The following GOLGA4 variants were observed in gnomAD, a reference collection of about 807,000 sequenced individuals.
GOLGA4 encodes the protein golgin A4, also known as golgin subfamily A member 4.
In GOLGA4, 169 loss-of-function variants were observed where a neutral mutation model predicts 265.9. The observed-to-expected ratio is 0.64, with a 90% CI of 0.56 to 0.72. The LOEUF is 0.72. Among genes scored for constraint, GOLGA4 ranks in the 30% least tolerant of loss-of-function variants. The pLI is 0.00. For synonymous variants in GOLGA4, 923 were observed against 855.8 expected, an observed-to-expected ratio of 1.08 and a Z score of -1.37; for missense variants, 2,482 against 2,483.4, an observed-to-expected ratio of 1.00 and a Z score of 0.01.
At position 37,327,730 on chromosome 3, in the gene GOLGA4, A is replaced by G; in HGVS notation, c.5844A>G (p.Arg1948=). 3 of 1,613,738 alleles carry G rather than the reference A, an allele frequency of 1.9e-6. No individual in the cohort carries two copies. Among genetic ancestry groups the G allele is most frequent in the Non-Finnish European group, 2.5e-6 (3 of 1,179,648 alleles). The change falls in exon 14 of 24, where the codon AGA becomes AGG. Residue 1948 remains arginine (R), a synonymous_variant. Transcript: ENST00000361924. ...EKQKLGKEIV[R]LQKDLRMLRK... ...AGAAACTGGGCAAGGAGATTGTTAG[A>G]TTGCAGAAAGACCTTCGAATGTTGA...
chr3:37,323,820 T>A lies in GOLGA4; in HGVS notation c.1934T>A (p.Leu645His). 1 of 1,609,614 alleles carries A rather than the reference T, an allele frequency of 6.2e-7. No individual in the cohort carries two copies. The highest frequency in any genetic ancestry group is 8.5e-7 in the Non-Finnish European group (1 of 1,179,088). ...KQQYQTEMEKLREKCEQEKET... is the reference protein window; with the variant it reads ...KQQYQTEMEKHREKCEQEKET... ...CAATATCAGACTGAAATGGAAAAAC[T>A]TAGGGAAAAGTGTGAACAAGAAAAA... Residue 645 changes from leucine (L) to histidine (H), a missense_variant, in exon 14 of 24, where the codon CTT becomes CAT. Leu to His is a moderately conservative substitution (Grantham distance 99). Coordinates refer to ENST00000361924, the MANE Select transcript of GOLGA4 (RefSeq NM_002078.5).
chr3:37,316,933 T>TA (rs1381485549), intron 11 of GOLGA4, among the ~76,000 whole-genome samples: 1 of 152,168 alleles, frequency 6.6e-6, no homozygotes, highest in South Asian at 2.1e-4. Context: ...TTTCTTTTTT[T>TA]AAACACAAAA....
At chr3:37,323,287 C>T (rs181199094) in intron 13 of GOLGA4, among the ~76,000 whole-genome samples, 50 of 151,952 alleles carry the variant, frequency 3.3e-4, no homozygotes, top group African/African-American at 1.2e-3. Context: ...CTACCATGCC[C>T]GGCTAATTTT....
At chr3:37,322,205 A>G (rs1019377565) in intron 13 of GOLGA4, among the ~76,000 whole-genome samples, 7 of 152,224 alleles carry the variant, frequency 4.6e-5, no homozygotes, top group Middle Eastern at 3.4e-3. Context: ...TTTGTAGGCA[A>G]TACTTGCCCT....
At position 37,324,816 on chromosome 3, in the gene GOLGA4, AG is replaced by A. The variant is rs1459454380; in HGVS notation, c.2932del (p.Glu978LysfsTer13). 1.9e-6 allele frequency: 3 copies of A among 1,585,852 alleles called. No individual in the cohort carries two copies. On this transcript the variant is annotated frameshift_variant, in exon 14 of 24. Coordinates refer to ENST00000361924, the MANE Select transcript of GOLGA4 (RefSeq NM_002078.5). LOFTEE classifies it high-confidence loss of function. ...ACGTTAAAGAAAAAATTACTGGATC[AG>A]GAAGCCAAACTTAAGAAAGAGCTTG... ...QETLKKKLLD[Q>X]EAKLKKELEN... is the part of the protein sequence containing the mutation.
chr3:37,276,230 A>G (rs2096818116), intron 2 of GOLGA4: 2 of 1,558,544 alleles, frequency 1.3e-6, no homozygotes, highest in African/African-American at 1.4e-5. Context: ...ATATCAAGAA[A>G]TAAGGAATAC....
At chr3:37,245,656 G>A (rs751578707) in intron 1 of GOLGA4, among the ~76,000 whole-genome samples, 1 of 152,154 alleles carries the variant, frequency 6.6e-6, no homozygotes, top group Non-Finnish European at 1.5e-5. Flanking sequence ...TAAGAGCTCT[G>A]TTTCTATAGC....
chr3:37,339,505 A>G (rs534917987), intron 19 of GOLGA4, among the ~76,000 whole-genome samples: 230 of 152,308 alleles, frequency 1.5e-3, no homozygotes, highest in Non-Finnish European at 2.6e-3. Context: ...ACTATTTTAC[A>G]TTACCATCAA....
chr3:37,302,317 A>G lies in GOLGA4; in HGVS notation c.1219A>G (p.Lys407Glu). ...QGEELREQKEKSERAAFEELE... is the reference protein window; with the variant it reads ...QGEELREQKEESERAAFEELE... ...AGAGGAATTACGGGAACAGAAAGAA[A>G]AGTCCGAAAGAGCTGGTAAGAACTT... Residue 407 changes from lysine to glutamate, a missense_variant, in exon 10 of 24, where the codon AAG (lysine) becomes GAG (glutamate). Physicochemically the swap from Lys to Glu is moderately conservative, Grantham distance 56. Around this residue, in one of 3 missense-constraint regions of GOLGA4, gnomAD observed 1,536 missense variants for 1,483.7 expected, o/e 1.04. Coordinates refer to ENST00000361924, the MANE Select transcript of GOLGA4 (RefSeq NM_002078.5). 3 of 1,613,544 alleles carry G rather than the reference A, an allele frequency of 1.9e-6. No homozygotes were observed. Among genetic ancestry groups the G allele is most frequent in the Non-Finnish European group, 2.5e-6 (3 of 1,179,680 alleles).
intron 2 of GOLGA4, among the ~76,000 whole-genome samples, chr3:37,260,511 C>G (rs747212763): frequency 1.3e-5 from 2 of 152,134 alleles, no homozygotes; most frequent in Non-Finnish European, 2.9e-5. Context: ...TGGCGGGCAC[C>G]TGTAATCCCA....
At chr3:37,311,681 A>G (rs141862383) in intron 10 of GOLGA4, among the ~76,000 whole-genome samples, 34 of 152,314 alleles carry the variant, frequency 2.2e-4, no homozygotes, top group African/African-American at 7.0e-4. Context: ...CTGACATGGT[A>G]CTGGAAAGTG....
rs1008307601 is a variant in GOLGA4, at chr3:37,323,867, G to C, written c.1981G>C (p.Glu661Gln). 2.5e-6 allele frequency: 4 copies of C among 1,612,278 alleles called. No individual in the cohort carries two copies. Among genetic ancestry groups the C allele is most frequent in the Non-Finnish European group, 3.4e-6 (4 of 1,179,634 alleles). ...QEKETLLKDK[E>Q]IIFQAHIEEM... The stretch of plus-strand genomic sequence containing the variant: ...AAAAGAAACATTGTTGAAAGACAAA[G>C]AGATTATCTTCCAGGCCCACATAGA... Residue 661 changes from glutamate (E) to glutamine (Q), a missense_variant, in exon 14 of 24, where the codon GAG (glutamate) becomes CAG (glutamine). Glu to Gln is a conservative substitution (Grantham distance 29). Transcript: ENST00000361924.
At chr3:37,344,849 TATATG>T (rs567142740) in intron 20 of GOLGA4, among the ~76,000 whole-genome samples, 182 of 152,338 alleles carry the variant, frequency 1.2e-3, no homozygotes, top group African/African-American at 4.1e-3. Context: ...AATTGGCATT[TATATG>T]GTATTGATTC....
intron 10 of GOLGA4, 27 bp downstream of exon 10, chr3:37,302,359 A>G (rs201669147): frequency 6.3e-7 from 1 of 1,589,542 alleles, no homozygotes; most frequent in Non-Finnish European, 8.6e-7. Flanking sequence ...TACTTGTTTT[A>G]TGTTGGAACT....
chr3:37,254,147 G>A (rs2096741752), intron 2 of GOLGA4, among the ~76,000 whole-genome samples: 1 of 152,066 alleles, frequency 6.6e-6, no homozygotes, highest in South Asian at 2.1e-4. Flanking sequence ...CATTAATACT[G>A]ATTGCAAAAA....
intron 10 of GOLGA4, among the ~76,000 whole-genome samples, chr3:37,308,906 G>T (rs761060229): frequency 6.6e-6 from 1 of 152,006 alleles, no homozygotes; most frequent in African/African-American, 2.4e-5. Flanking sequence ...GAGCCACTGC[G>T]CCTGGCTAAA....
At chr3:37,274,208 G>C (rs369409656) in intron 2 of GOLGA4, among the ~76,000 whole-genome samples, 16 of 151,930 alleles carry the variant, frequency 1.1e-4, no homozygotes, top group African/African-American at 3.6e-4. Flanking sequence ...TAGCCATATT[G>C]AGAGACATAC....
At chr3:37,285,390 G>C (rs1275033705) in intron 3 of GOLGA4, among the ~76,000 whole-genome samples, 1 of 152,122 alleles carries the variant, frequency 6.6e-6, no homozygotes, top group Non-Finnish European at 1.5e-5. Flanking sequence ...TAAATATCCT[G>C]TTTAGGTTAA....
chr3:37,314,640 CAA>C (rs1491251260), intron 10 of GOLGA4, among the ~76,000 whole-genome samples: 16 of 101,738 alleles, frequency 1.6e-4, no homozygotes, highest in African/African-American at 6.0e-4. Context: ...GACTCCGTCT[CAA>C]ACACACACAC....
Sources: gnomAD v4.1 joint callset for allele counts (sites outside exome capture counted in the v4.1 genomes callset) on GRCh38, gnomAD v4.1.1 for gene constraint, gnomAD v4.1.1 regional missense constraint, MANE v1.5 for transcripts, NCBI Gene and HGNC (gene_info 2026-07-23, HGNC 2026-07-21) for gene names.